SVOPL: variants seen among roughly 807,000 people sequenced by gnomAD.
SVOPL encodes SVOP like, also known as putative transporter SVOPL.
A neutral mutation model predicts 61.0 loss-of-function variants in SVOPL; 60 were observed. The observed-to-expected ratio is 0.98, with a 90% confidence interval of 0.80 to 1.22. The LOEUF (loss-of-function observed/expected upper bound fraction) is 1.22. Among genes scored for constraint, SVOPL ranks in the 50% most tolerant of loss-of-function variants. The pLI, the probability that SVOPL is intolerant of heterozygous loss-of-function variation, is 0.00. For synonymous variants in SVOPL, 279 were observed against 250.0 expected (o/e 1.12, Z -1.09); for missense variants, 662 against 643.9 (o/e 1.03, Z -0.30).
In SVOPL at chr7:138,658,115, G is replaced by A. The variant is rs56218992; in HGVS notation, c.471-1604C>T. On this transcript the variant is annotated intron_variant, in intron 6 of 15. Coordinates refer to ENST00000674285, the MANE Select transcript of SVOPL (RefSeq NM_001139456.2). Reference sequence around the variant, plus strand: ...CTTTACCACATCTTGTTTTATCAGCGGGGTGTCTTGTGATGTGTATCTTGT... The same window carrying A: ...CTTTACCACATCTTGTTTTATCAGCAGGGTGTCTTGTGATGTGTATCTTGT... 5.4e-3 allele frequency among the ~76,000 whole-genome samples: 826 copies of A among 152,236 alleles called. 5 individuals carry two copies. Among genetic ancestry groups the A allele is most frequent in the Non-Finnish European group, 7.7e-3 (524 of 68,028 alleles).
intron 1 of SVOPL, among the ~76,000 whole-genome samples, chr7:138,686,651 C>T (rs547231295): frequency 1.4e-5 from 2 of 145,692 alleles, no homozygotes; most frequent in Non-Finnish European, 3.0e-5. Context: ...CCGCAACCTC[C>T]GCCTCCCAGG....
chr7:138,621,894 C>CTATCTATCTATGTATCTATCTATG (rs1799600459), intron 13 of SVOPL, among the ~76,000 whole-genome samples: 1 of 43,446 alleles, frequency 2.3e-5, no homozygotes. Context: ...ATCTATCTAT[C>CTATCTATCTATGTATCTATCTATG]TATCTATCTA....
chr7:138,647,330 G>T (rs539658196), intron 8 of SVOPL, among the ~76,000 whole-genome samples: 1 of 152,086 alleles, frequency 6.6e-6, no homozygotes, highest in African/African-American at 2.4e-5. Context: ...GCGAAGAGCT[G>T]AGATCGCACC....
At chr7:138,669,575 A>T (rs986044160) in intron 4 of SVOPL, among the ~76,000 whole-genome samples, 2 of 152,332 alleles carry the variant, frequency 1.3e-5, no homozygotes, top group Middle Eastern at 3.4e-3. Flanking sequence ...CAGCTCCCAG[A>T]GATCACCTGG....
intron 14 of SVOPL, among the ~76,000 whole-genome samples, chr7:138,612,962 A>G (rs1673222): frequency 0.66 from 100,304 of 151,878 alleles, 34,261 homozygotes; most frequent in East Asian, 1. Context: ...TTATAAGCTT[A>G]CTCTACCCTT....
At position 138,601,001 on chromosome 7, in the gene SVOPL, C is replaced by T. The variant is rs146262165; in HGVS notation, c.1354-4471G>A. The stretch of plus-strand genomic sequence containing the variant: ...GCGCGGTGGCTCACACCTGTAATCC[C>T]AGCACTTTGGGAGGCTGAGGCGGGT... On this transcript the variant is annotated intron_variant, in intron 14 of 15. Coordinates refer to ENST00000674285, the MANE Select transcript of SVOPL (RefSeq NM_001139456.2). 7.8e-3 allele frequency among the ~76,000 whole-genome samples: 1,186 copies of T among 152,162 alleles called. 13 individuals carry two copies. Among genetic ancestry groups the T allele is most frequent in the African/African-American group, 0.028 (1,147 of 41,530 alleles).
chr7:138,698,032 T>C (rs1405614924), intron 1 of SVOPL, among the ~76,000 whole-genome samples: 1 of 135,358 alleles, frequency 7.4e-6, no homozygotes, highest in Non-Finnish European at 1.6e-5. Flanking sequence ...GAAGAAGTAA[T>C]GAAAAAGAGG....
At chr7:138,664,181 C>CCCGGG in intron 4 of SVOPL, 1 of 922,534 alleles carries the variant, frequency 1.1e-6, no homozygotes, top group Non-Finnish European at 1.3e-6. Flanking sequence ...GTGCACCCTA[C>CCCGGG]CCTGCCCTCC....
chr7:138,663,590 C>G, intron 4 of SVOPL: 2 of 990,140 alleles, frequency 2.0e-6, no homozygotes, highest in Middle Eastern at 1.0e-3. Flanking sequence ...TTAAAAAACT[C>G]TTCAGAACAT....
chr7:138,672,094 C>A lies in SVOPL; in HGVS notation c.198G>T (p.Met66Ile). Residue 66 changes from methionine to isoleucine, a missense_variant, in exon 4 of 16, where the codon ATG (methionine) becomes ATT (isoleucine). Coordinates refer to ENST00000674285, the MANE Select transcript of SVOPL (RefSeq NM_001139456.2). ...STGVVEAMEI[M>I]LIAVVSPVIR... is the part of the protein sequence containing the mutation. ...TGACAGGAGACACAACAGCTATCAA[C>A]ATGATCTCCATGGCCTCAACCACCT... 3 of 1,551,714 alleles carry A rather than the reference C, an allele frequency of 1.9e-6. No homozygotes were observed. The highest frequency in any genetic ancestry group is 2.6e-6 in the Non-Finnish European group (3 of 1,146,986).
intron 9 of SVOPL, among the ~76,000 whole-genome samples, chr7:138,636,061 T>G (rs1014534842): frequency 2.0e-5 from 3 of 151,778 alleles, no homozygotes; most frequent in African/African-American, 7.3e-5. Context: ...TGGGAGTAGC[T>G]GGGACTACAG....
intron 1 of SVOPL, chr7:138,689,151 G>GT: frequency 1.1e-6 from 1 of 927,314 alleles, no homozygotes; most frequent in South Asian, 1.3e-5. Context: ...GAAATAGTGC[G>GT]TACCATTCCG....
At chr7:138,609,489 CAAAAA>C (rs35516590) in intron 14 of SVOPL, among the ~76,000 whole-genome samples, 1 of 48,336 alleles carries the variant, frequency 2.1e-5, no homozygotes, top group Admixed American at 2.3e-4. Context: ...ACCACCTCTA[CAAAAA>C]AAAAAAAAAA....
At chr7:138,700,522 G>A (rs989720634) in intron 1 of SVOPL, among the ~76,000 whole-genome samples, 1 of 151,980 alleles carries the variant, frequency 6.6e-6, no homozygotes, top group Admixed American at 6.6e-5. Context: ...TGTATTTTTA[G>A]TAGAGACGGG....
At chr7:138,627,279 G>T in intron 12 of SVOPL, 71 bp downstream of exon 12, 1 of 1,173,838 alleles carries the variant, frequency 8.5e-7, no homozygotes, top group Non-Finnish European at 1.2e-6. Context: ...TGAAACTACT[G>T]AACACCATGG....
intron 3 of SVOPL, among the ~76,000 whole-genome samples, chr7:138,676,774 C>G (rs1312477709): frequency 6.6e-6 from 1 of 152,074 alleles, no homozygotes; most frequent in Non-Finnish European, 1.5e-5. Context: ...ACTTCCATTT[C>G]TATCATTTTA....
At chr7:138,618,807 CAAAAAG>C (rs1267291697) in intron 14 of SVOPL, among the ~76,000 whole-genome samples, 1 of 151,588 alleles carries the variant, frequency 6.6e-6, no homozygotes, top group African/African-American at 2.4e-5. Flanking sequence ...GAAAAGAAAA[CAAAAAG>C]AAAATGAAAA....
At chr7:138,672,626 C>G (rs945500286) in intron 3 of SVOPL, among the ~76,000 whole-genome samples, 1 of 127,292 alleles carries the variant, frequency 7.9e-6, no homozygotes, top group Non-Finnish European at 1.6e-5. Context: ...AATATGAGTT[C>G]ATCAGCAGGA....
At chr7:138,686,557 TTTGGG>T (rs1802819378) in intron 1 of SVOPL, among the ~76,000 whole-genome samples, 3 of 131,694 alleles carry the variant, frequency 2.3e-5, no homozygotes, top group African/African-American at 9.5e-5. Flanking sequence ...TTTTTTGTTT[TTTGGG>T]TTTTTTTTTT....
Sources: allele counts gnomAD v4.1 joint callset (sites outside exome capture counted in the v4.1 genomes callset), GRCh38; gene constraint gnomAD v4.1.1; transcripts MANE v1.5; gene names NCBI Gene and HGNC (gene_info 2026-07-23, HGNC 2026-07-21).